SLC47A1: variants seen among roughly 807,000 people sequenced by gnomAD.
The protein encoded by SLC47A1 is multidrug and toxin extrusion protein 1.
In SLC47A1, 58 loss-of-function variants were observed where a neutral mutation model predicts 65.8. The observed-to-expected ratio is 0.88, with a 90% CI of 0.71 to 1.10. SLC47A1 has a LOEUF of 1.10. Ranked by LOEUF, SLC47A1 falls within the 50% of genes least tolerant of loss-of-function variation. The pLI is 0.00. For synonymous variants in SLC47A1, 285 were observed against 295.0 expected, an observed-to-expected ratio of 0.97 and a Z score of 0.35; for missense variants, 706 against 719.2, an observed-to-expected ratio of 0.98 and a Z score of 0.21.
chr17:19,577,341 C>A lies in SLC47A1; in HGVS notation c.1501C>A (p.Leu501Ile). The part of the protein sequence containing the change: ...DPLHPGCPEN[L>I]EGILTNDVGK... ...TTTCCTCCCAGGGTGCCCTGAAAAC[C>A]TTGAAGGAATTTTAACGAACGATGT... Residue 501 changes from leucine to isoleucine, a missense_variant, in exon 17 of 17, where the codon CTT (leucine) becomes ATT (isoleucine). Leu to Ile is a conservative substitution (Grantham distance 5). Coordinates refer to ENST00000270570, the MANE Select transcript of SLC47A1 (RefSeq NM_018242.3). 3 of 1,614,018 alleles carry A rather than the reference C, an allele frequency of 1.9e-6. No homozygotes were observed. The highest frequency in any genetic ancestry group is 2.2e-5 in the South Asian group (2 of 91,058).
chr17:19,564,919 A>G (rs1416171700), intron 12 of SLC47A1, among the ~76,000 whole-genome samples: 9 of 152,186 alleles, frequency 5.9e-5, no homozygotes, highest in Admixed American at 2.6e-4. Flanking sequence ...GGAGTTCTCC[A>G]TGTTGGTCAG....
chr17:19,542,047 C>G (rs1260222892), intron 1 of SLC47A1, among the ~76,000 whole-genome samples: 1 of 152,106 alleles, frequency 6.6e-6, no homozygotes, highest in Non-Finnish European at 1.5e-5. Flanking sequence ...ATTGCTTGAA[C>G]CTGGGAGGCG....
chr17:19,547,292 C>T (rs1916314390), intron 3 of SLC47A1, among the ~76,000 whole-genome samples: 1 of 151,786 alleles, frequency 6.6e-6, no homozygotes, highest in South Asian at 2.1e-4. Flanking sequence ...AATCCTCCTA[C>T]CTCAGCCTCC....
At chr17:19,536,652 C>G (rs1271918462) in intron 1 of SLC47A1, among the ~76,000 whole-genome samples, 1 of 152,138 alleles carries the variant, frequency 6.6e-6, no homozygotes, top group Non-Finnish European at 1.5e-5. Flanking sequence ...GGGTCTGTCT[C>G]CCATCTCTAA....
chr17:19,544,767 G>A (rs1318695327), intron 2 of SLC47A1, among the ~76,000 whole-genome samples: 7 of 152,182 alleles, frequency 4.6e-5, no homozygotes, highest in African/African-American at 1.2e-4. Context: ...CCTGATACCC[G>A]AAATTGGAGA....
rs915718287 is a variant in SLC47A1 at position 19,567,606 on chromosome 17, G to C, written c.1309+378G>C. 8 of 239,088 alleles carry C rather than the reference G, an allele frequency of 3.3e-5. No homozygotes were observed. The East Asian group carries it at 8.4e-4, about 25-fold the overall frequency. 14.8% of individuals were successfully genotyped at this position (239,088 alleles called of 1,614,324 possible). On this transcript the variant is annotated intron_variant, in intron 14 of 16. Coordinates refer to ENST00000270570, the MANE Select transcript of SLC47A1 (RefSeq NM_018242.3). ...TTAGTGTGTTTCGTGCTGTTCTTTA[G>C]AGACAGCATGTGAGCCCCTGAGGGT...
intron 2 of SLC47A1, 23 bp downstream of exon 2, chr17:19,542,517 GT>G: frequency 6.3e-7 from 1 of 1,576,298 alleles, no homozygotes; most frequent in Non-Finnish European, 8.6e-7. Flanking sequence ...TTTCTGGCAG[GT>G]TTACCAACAC....
intron 10 of SLC47A1, among the ~76,000 whole-genome samples, chr17:19,556,960 T>C (rs921794111): frequency 6.6e-6 from 1 of 152,206 alleles, no homozygotes; most frequent in Non-Finnish European, 1.5e-5. Flanking sequence ...CAGTGGAGTA[T>C]TATTCAGCCT....
chr17:19,565,681 C>T (rs207476326), intron 12 of SLC47A1, among the ~76,000 whole-genome samples: 5 of 150,264 alleles, frequency 3.3e-5, no homozygotes, highest in East Asian at 2.0e-4. Flanking sequence ...CCCAGGTTCA[C>T]GCCATTCTCC....
intron 7 of SLC47A1, 29 bp from the exon 8 acceptor site, chr17:19,555,564 C>T: frequency 6.2e-7 from 1 of 1,603,438 alleles, no homozygotes; most frequent in Non-Finnish European, 8.5e-7. Context: ...AGGAAGGTAC[C>T]TCCCTCTCAT....
chr17:19,576,347 CTTCCT>C (rs932452788), intron 16 of SLC47A1, among the ~76,000 whole-genome samples: 1 of 143,476 alleles, frequency 7.0e-6, no homozygotes, highest in African/African-American at 2.7e-5. Flanking sequence ...TTCTTTCTTC[CTTCCT>C]TTTTTTTTTT....
Position 19,578,273 on chromosome 17 carries a change from G to A in SLC47A1, c.*720G>A, listed in dbSNP as rs142703739. 48 of 319,450 alleles carry A rather than the reference G, an allele frequency of 1.5e-4. No individual in the cohort carries two copies. Among genetic ancestry groups the A allele is most frequent in the Non-Finnish European group, 6.2e-5 (10 of 162,352 alleles). The allele number at this position is 319,450 out of a possible 1,614,324, so 19.8% of individuals were successfully genotyped here. A position where few individuals can be genotyped will look rare whatever the true frequency, so the allele number is the denominator to read the frequency against. ...GATAATTCCTGGTAGGGGTGTGTGC[G>A]TGACGTACTGCAGCCTCAACCTCCT... is the stretch of plus-strand genomic sequence containing the variant. On this transcript the variant is annotated 3_prime_UTR_variant, in exon 17 of 17. Transcript: ENST00000270570.
intron 2 of SLC47A1, 142 bp downstream of exon 2, chr17:19,542,636 G>A (rs1320028920): frequency 1.7e-6 from 1 of 601,396 alleles, no homozygotes; most frequent in East Asian, 3.1e-5. Context: ...AGTCTGAAGT[G>A]GGTTTCATGG....
chr17:19,560,932 A>G (rs1286353398), intron 12 of SLC47A1, among the ~76,000 whole-genome samples: 1 of 151,650 alleles, frequency 6.6e-6, no homozygotes, highest in East Asian at 1.9e-4. Context: ...GCAAGATGCC[A>G]GCAGAAAAAG....
chr17:19,539,657 T>C (rs980998148), intron 1 of SLC47A1, among the ~76,000 whole-genome samples: 4 of 152,126 alleles, frequency 2.6e-5, no homozygotes, highest in African/African-American at 9.7e-5. Flanking sequence ...GCTAATTTTT[T>C]GTATTTTTAG....
chr17:19,571,345 C>T (rs985788336), intron 14 of SLC47A1, 133 bp from the exon 15 acceptor site: 11 of 700,758 alleles, frequency 1.6e-5, no homozygotes, highest in Non-Finnish European at 2.4e-5. Flanking sequence ...GTCTCTGGCC[C>T]GCTGTGGGCT....
intron 6 of SLC47A1, among the ~76,000 whole-genome samples, chr17:19,554,819 T>A (rs1597501572): frequency 6.6e-6 from 1 of 152,176 alleles, no homozygotes; most frequent in Admixed American, 6.5e-5. Flanking sequence ...TTAGGTCAAT[T>A]TTCTGAATTT....
rs1467872331 is a variant in SLC47A1 at position 19,555,992 on chromosome 17, C to T, written c.854-3C>T. ...CAAGGCGACAGCTGTCTTTCTTCAC[C>T]AGGCATCCTCGGCATGGTGGAGCTG... On this transcript the variant is annotated splice_polypyrimidine_tract_variant and splice_region_variant and intron_variant, in intron 9 of 16. Coordinates refer to ENST00000270570, the MANE Select transcript of SLC47A1 (RefSeq NM_018242.3). The T allele has an allele frequency of 2.5e-6, 4 of 1,614,052 alleles. No individual in the cohort carries two copies. The highest frequency in any genetic ancestry group is 2.7e-5 in the African/African-American group (2 of 74,918).
At chr17:19,541,600 CACCCT>C (rs1916150653) in intron 1 of SLC47A1, among the ~76,000 whole-genome samples, 1 of 152,192 alleles carries the variant, frequency 6.6e-6, no homozygotes, top group Non-Finnish European at 1.5e-5. Context: ...TGTAATGTTT[CACCCT>C]GAGAGTCCGG....
Sources: gnomAD v4.1 joint callset for allele counts (sites outside exome capture counted in the v4.1 genomes callset) on GRCh38, gnomAD v4.1.1 for gene constraint, MANE v1.5 for transcripts, NCBI Gene and HGNC (gene_info 2026-07-23, HGNC 2026-07-21) for gene names.